The following CES5A variants were observed in gnomAD, a reference collection of about 807,000 sequenced individuals.
CES5A encodes the protein carboxylesterase 5A.
In CES5A, 67 loss-of-function variants were observed where a neutral mutation model predicts 62.9. The observed-to-expected ratio is 1.07, with a 90% CI of 0.88 to 1.31. CES5A has a LOEUF of 1.31. Ranked by LOEUF, CES5A falls within the 50% of genes most tolerant of loss-of-function variation. The pLI, the probability that CES5A is intolerant of heterozygous loss-of-function variation, is 0.00. For missense variants in CES5A, 748 were observed against 708.5 expected (o/e 1.06, Z -0.63); for synonymous variants, 296 against 280.8 (o/e 1.05, Z -0.54).
At chr16:55,936,142 A>G (rs2034372380) in intron 2 of CES5A, among the ~76,000 whole-genome samples, 1 of 152,044 alleles carries the variant, frequency 6.6e-6, no homozygotes, top group Non-Finnish European at 1.5e-5. Flanking sequence ...TGTCACCTCC[A>G]ATCTTCCCAA....
In CES5A at chr16:55,869,684, A is replaced by G; in HGVS notation, c.478T>C (p.Ser160Pro). 6.2e-7 allele frequency: 1 copy of G among 1,612,298 alleles called. No individual in the cohort carries two copies. The highest frequency in any genetic ancestry group is 8.5e-7 in the Non-Finnish European group (1 of 1,179,126). Residue 160 changes from serine (S) to proline (P), a missense_variant, in exon 4 of 13, where the codon TCC becomes CCC. By Grantham distance (74) the Ser-to-Pro change is moderately conservative (BLOSUM62 -1). Coordinates refer to ENST00000290567, the MANE Select transcript of CES5A (RefSeq NM_001143685.2). Reference sequence around the variant, plus strand: ...ACGTCCTCATAGGCAGCCAGGGCGGACCCATCAAAGATGGAGGCTGAGCCA... The same window carrying G: ...ACGTCCTCATAGGCAGCCAGGGCGGGCCCATCAAAGATGGAGGCTGAGCCA... ...KTGSASIFDG[S>P]ALAAYEDVLV...
intron 1 of CES5A, among the ~76,000 whole-genome samples, chr16:55,914,499 TC>T (rs1223822489): frequency 6.6e-6 from 1 of 152,158 alleles, no homozygotes; most frequent in Non-Finnish European, 1.5e-5. Context: ...ATGAAGGAAA[TC>T]TAAAGTTGAC....
intron 1 of CES5A, among the ~76,000 whole-genome samples, chr16:55,883,752 C>A (rs2033785526): frequency 2.6e-5 from 4 of 152,160 alleles, no homozygotes; most frequent in Admixed American, 2.6e-4. Context: ...CCTCACAGAC[C>A]ATGGATTCCT....
chr16:55,863,504 A>T (rs1310140386), intron 5 of CES5A, 52 bp from the exon 6 acceptor site: 1 of 890,270 alleles, frequency 1.1e-6, no homozygotes, highest in African/African-American at 1.6e-5. Context: ...ACCAACACAC[A>T]TACCATTCAT....
At chr16:55,860,376 G>A (rs1220885774) in intron 7 of CES5A, among the ~76,000 whole-genome samples, 2 of 152,192 alleles carry the variant, frequency 1.3e-5, no homozygotes, top group Admixed American at 6.5e-5. Context: ...AGCAGCATCA[G>A]CATCATCTGG....
intron 7 of CES5A, 33 bp from the exon 8 acceptor site, chr16:55,859,720 A>G: frequency 1.3e-6 from 2 of 1,587,158 alleles, no homozygotes; most frequent in Non-Finnish European, 1.7e-6. Context: ...ATCATCAGCT[A>G]TCATCAGCTA....
chr16:55,920,017 C>T (rs2034187031), intron 1 of CES5A, among the ~76,000 whole-genome samples: 1 of 152,178 alleles, frequency 6.6e-6, no homozygotes, highest in African/African-American at 2.4e-5. Flanking sequence ...GCTAGTTTCA[C>T]ATACTTCCAC....
intron 11 of CES5A, among the ~76,000 whole-genome samples, chr16:55,847,600 A>T (rs2033042062): frequency 6.6e-6 from 1 of 152,104 alleles, no homozygotes; most frequent in Non-Finnish European, 1.5e-5. Context: ...GTATAAGCGG[A>T]CACCTTTCTA....
intron 1 of CES5A, among the ~76,000 whole-genome samples, chr16:55,914,860 T>C (rs1173138895): frequency 2.6e-5 from 4 of 152,194 alleles, no homozygotes; most frequent in Non-Finnish European, 5.9e-5. Context: ...TATTGTACCC[T>C]CGTTAATTTT....
chr16:55,890,130 C>T (rs1254452789), intron 1 of CES5A, among the ~76,000 whole-genome samples: 1 of 151,794 alleles, frequency 6.6e-6, no homozygotes, highest in Non-Finnish European at 1.5e-5. Flanking sequence ...AGGATGGACT[C>T]CATATTTTCC....
In CES5A at chr16:55,853,028, G is replaced by A. The variant is rs187004754; in HGVS notation, c.1126C>T (p.His376Tyr). The change falls in exon 10 of 13, where the codon CAC (histidine) becomes TAC (tyrosine). Residue 376 changes from histidine to tyrosine, a missense_variant and splice_region_variant. By Grantham distance (83) the His-to-Tyr change is moderately conservative (BLOSUM62 2). Transcript: ENST00000290567. ...AGGTGCAAATACTGAGGCGGGATGT[G>A]CTGTAAAAATATCGTAGTCCTAGGA... ...LALHLIQNILHIPPQYLHLVA... is the reference protein window; with the variant it reads ...LALHLIQNILYIPPQYLHLVA... 2.2e-5 allele frequency: 35 copies of A among 1,614,026 alleles called. No homozygotes were observed. The highest frequency in any genetic ancestry group is 1.7e-4 in the Middle Eastern group (1 of 6,060).
At chr16:55,909,570 GCACACA>G (rs34468527) in intron 1 of CES5A, among the ~76,000 whole-genome samples, 5 of 150,046 alleles carry the variant, frequency 3.3e-5, no homozygotes, top group East Asian at 2.0e-4. Context: ...GTGCGCACGT[GCACACA>G]CACACACACA....
At chr16:55,889,910 A>T (rs2033858186) in intron 1 of CES5A, among the ~76,000 whole-genome samples, 1 of 152,184 alleles carries the variant, frequency 6.6e-6, no homozygotes, top group Non-Finnish European at 1.5e-5. Context: ...GAAATGAAGG[A>T]TGAAGATCAC....
In CES5A at chr16:55,861,416, C is replaced by T. The variant is rs773794818; in HGVS notation, c.911G>A (p.Ser304Asn). Residue 304 changes from serine to asparagine, a missense_variant, in exon 7 of 13, where the codon AGC becomes AAC. Physicochemically the swap from Ser to Asn is conservative, Grantham distance 46. Transcript: ENST00000290567. ...AACTGCCCCCTCTGTCCTCACCTGGCTGAGGGTCAGCAGCTCCTTGGAGGG... is the reference window on the plus strand; with the variant it reads ...AACTGCCCCCTCTGTCCTCACCTGGTTGAGGGTCAGCAGCTCCTTGGAGGG... ...TKPSKELLTLSQKTKSFTRVV... is the reference protein window; with the variant it reads ...TKPSKELLTLNQKTKSFTRVV... 3.8e-5 allele frequency: 61 copies of T among 1,608,408 alleles called. No individual in the cohort carries two copies. In the Admixed American group the frequency reaches 1.0e-3, roughly 27 times the overall value.
At chr16:55,943,751 G>C (rs775957558) in intron 2 of CES5A, among the ~76,000 whole-genome samples, 2 of 152,126 alleles carry the variant, frequency 1.3e-5, no homozygotes, top group African/African-American at 4.8e-5. Flanking sequence ...CCAGGCACCA[G>C]CTATTATACC....
rs368968057 is a variant in CES5A, at chr16:55,846,647, G to A, written c.1532C>T (p.Ala511Val). 8.7e-6 allele frequency: 14 copies of A among 1,614,002 alleles called. No individual in the cohort carries two copies. Among genetic ancestry groups the A allele is most frequent in the Non-Finnish European group, 1.2e-5 (14 of 1,180,022 alleles). The change falls in exon 13 of 13, where the codon GCT becomes GTT. Residue 511 changes from alanine (A) to valine (V), a missense_variant. Coordinates refer to ENST00000290567, the MANE Select transcript of CES5A (RefSeq NM_001143685.2). ...GAGGTACTGCTCAGTCAGATTATAA[G>A]CTGGCCACAGAGACAGGTCGTTCCC... is the stretch of plus-strand genomic sequence containing the variant. ...PNGNDLSLWPAYNLTEQYLQL... is the reference protein window; with the variant it reads ...PNGNDLSLWPVYNLTEQYLQL...
At chr16:55,848,569 T>A (rs1368668799) in intron 11 of CES5A, among the ~76,000 whole-genome samples, 1 of 152,204 alleles carries the variant, frequency 6.6e-6, no homozygotes, top group African/African-American at 2.4e-5. Context: ...GCAGTTTTCT[T>A]GTTATGAGGG....
intron 9 of CES5A, 31 bp downstream of exon 9, chr16:55,856,346 C>G: frequency 1.2e-6 from 2 of 1,607,554 alleles, no homozygotes; most frequent in African/African-American, 2.7e-5. Context: ...GCATGTGTCT[C>G]TGGAGTACTG....
chr16:55,900,235 T>A (rs1203487278), intron 1 of CES5A, among the ~76,000 whole-genome samples: 1 of 152,186 alleles, frequency 6.6e-6, no homozygotes, highest in African/African-American at 2.4e-5. Flanking sequence ...AGAGAGTTGT[T>A]TCCCATCACA....
Sources: allele counts gnomAD v4.1 joint callset (sites outside exome capture counted in the v4.1 genomes callset), GRCh38; gene constraint gnomAD v4.1.1; transcripts MANE v1.5; gene names NCBI Gene and HGNC (gene_info 2026-07-23, HGNC 2026-07-21).